OTOGL: variants seen among roughly 807,000 people sequenced by gnomAD.
OTOGL encodes the protein otogelin like.
A neutral mutation model predicts 318.5 loss-of-function variants in OTOGL; 285 were observed. That is an observed-to-expected ratio of 0.89 (90% CI 0.81 to 0.99). OTOGL has a LOEUF of 0.99. OTOGL is among the 50% of genes least tolerant of loss of function. The pLI, the probability that OTOGL is intolerant of heterozygous loss-of-function variation, is 0.00. For missense variants in OTOGL, 2,899 were observed against 2,845.6 expected, an observed-to-expected ratio of 1.02 and a Z score of -0.43; for synonymous variants, 987 against 936.5, an observed-to-expected ratio of 1.05 and a Z score of -0.99.
intron 53 of OTOGL, 60 bp downstream of exon 53, chr12:80,366,697 C>A: frequency 3.5e-6 from 2 of 579,016 alleles, no homozygotes; most frequent in Admixed American, 4.3e-5. Context: ...TCTGTTTTTT[C>A]ACTATTAATA....
intron 35 of OTOGL, among the ~76,000 whole-genome samples, chr12:80,327,895 A>C (rs1451148907): frequency 7.7e-6 from 1 of 129,886 alleles, no homozygotes; most frequent in African/African-American, 2.9e-5. Context: ...GGAGGCGGAG[A>C]TTGCAGTGAG....
At position 80,251,703 on chromosome 12, in the gene OTOGL, G is replaced by A. The variant is rs1322091270; in HGVS notation, c.1063G>A (p.Asp355Asn). 1.3e-6 allele frequency: 2 copies of A among 1,586,746 alleles called. No homozygotes were observed. The highest frequency in any genetic ancestry group is 2.3e-5 in the South Asian group (2 of 86,570). ...CVNDLCKTDD[D>N]ETYCRAATEY... ...CTTTTCACTTTCTAGAACTGATGAT[G>A]ATGAAACCTATTGCCGAGCAGCCAC... Residue 355 changes from aspartate to asparagine, a missense_variant, in exon 12 of 59, where the codon GAT (aspartate) becomes AAT (asparagine). Physicochemically the swap from Asp to Asn is conservative, Grantham distance 23. This residue lies in a region of OTOGL where 2,607 missense variants were observed against 2,524.9 expected (regional missense o/e 1.03). Coordinates refer to ENST00000547103, the MANE Select transcript of OTOGL (RefSeq NM_001378609.3).
At chr12:80,182,538 A>G (rs1874998460) in intron 1 of OTOGL, among the ~76,000 whole-genome samples, 2 of 152,242 alleles carry the variant, frequency 1.3e-5, no homozygotes, top group South Asian at 2.1e-4. Context: ...ATCAATTGAC[A>G]TAGAGGTTGG....
intron 42 of OTOGL, among the ~76,000 whole-genome samples, chr12:80,337,508 T>C (rs762922110): frequency 6.6e-6 from 1 of 152,048 alleles, no homozygotes; most frequent in Non-Finnish European, 1.5e-5. Context: ...TTTTTTGAAA[T>C]AAATTGAAGA....
At chr12:80,147,475 G>C (rs1016833574) in intron 1 of OTOGL, among the ~76,000 whole-genome samples, 7 of 151,152 alleles carry the variant, frequency 4.6e-5, no homozygotes, top group Non-Finnish European at 7.4e-5. Context: ...TTACTTCCAA[G>C]TATGTGGTCA....
At chr12:80,187,878 G>A (rs1875401220) in intron 1 of OTOGL, among the ~76,000 whole-genome samples, 1 of 152,150 alleles carries the variant, frequency 6.6e-6, no homozygotes, top group African/African-American at 2.4e-5. Flanking sequence ...CATGACCAGA[G>A]TTGTTTTCTA....
At chr12:80,290,806 T>G (rs1451517100) in intron 26 of OTOGL, among the ~76,000 whole-genome samples, 2 of 152,210 alleles carry the variant, frequency 1.3e-5, no homozygotes, top group Non-Finnish European at 2.9e-5. Context: ...TAAAACAATT[T>G]TAGGGGCCTA....
Position 80,271,637 on chromosome 12 carries a change from T to C in OTOGL, c.2519-11T>C. 1 of 1,611,116 alleles carries C rather than the reference T, an allele frequency of 6.2e-7. No homozygotes were observed. The highest frequency in any genetic ancestry group is 1.1e-5 in the South Asian group (1 of 90,730). On this transcript the variant is annotated splice_polypyrimidine_tract_variant and intron_variant, in intron 23 of 58. Transcript: ENST00000547103. ...AAGTTAAGGACATTTTGTCTGTGCT[T>C]ATATCTGAAGTTCACATCTGCCCAG...
At chr12:80,210,194 T>G (rs571854505) in intron 2 of OTOGL, among the ~76,000 whole-genome samples, 1 of 152,250 alleles carries the variant, frequency 6.6e-6, no homozygotes, top group South Asian at 2.1e-4. Context: ...AGTTTTACCC[T>G]GTTACACATT....
chr12:80,296,018 A>T (rs1349989741), intron 26 of OTOGL, among the ~76,000 whole-genome samples: 2 of 152,156 alleles, frequency 1.3e-5, no homozygotes, highest in African/African-American at 4.8e-5. Flanking sequence ...GTTGCCAAGG[A>T]AAGGGGTCTA....
chr12:80,342,231 C>T, intron 44 of OTOGL, 69 bp downstream of exon 44: 3 of 1,205,308 alleles, frequency 2.5e-6, no homozygotes, highest in Admixed American at 4.7e-5. Flanking sequence ...CAATACGTTA[C>T]TGTTCTTGCT....
chr12:80,188,306 G>A (rs189384522), intron 1 of OTOGL, among the ~76,000 whole-genome samples: 4 of 151,956 alleles, frequency 2.6e-5, no homozygotes, highest in South Asian at 2.1e-4. Flanking sequence ...TTGAGAGGCC[G>A]AGGCGGGCAG....
At chr12:80,133,252 A>G (rs1469433214) in intron 1 of OTOGL, among the ~76,000 whole-genome samples, 1 of 152,116 alleles carries the variant, frequency 6.6e-6, no homozygotes, top group Non-Finnish European at 1.5e-5. Context: ...CTATTTAGGC[A>G]GTGTTTTTTT....
Position 80,276,812 on chromosome 12 carries a change from T to C in OTOGL, c.2682-1356T>C, listed in dbSNP as rs1374541387. On this transcript the variant is annotated intron_variant, in intron 24 of 58. Coordinates refer to ENST00000547103, the MANE Select transcript of OTOGL (RefSeq NM_001378609.3). ...CGCTACATATTGTGTGACATGAACA[T>C]AAACAAGATATTTATGGTCCTCTCA... Among the ~76,000 whole-genome samples the C allele has an allele frequency of 3.3e-5, 5 of 151,606 alleles. No individual in the cohort carries two copies. In the Admixed American group the frequency reaches 3.3e-4, roughly 10 times the overall value.
chr12:80,232,869 T>G (rs377460283), intron 8 of OTOGL, 23 bp from the exon 9 acceptor site: 1 of 1,549,434 alleles, frequency 6.5e-7, no homozygotes, highest in Non-Finnish European at 8.8e-7. Flanking sequence ...CATTCTTAGA[T>G]AGCTTTTGTT....
intron 1 of OTOGL, 55 bp downstream of exon 1, chr12:80,099,660 A>C (rs1294087568): frequency 6.6e-6 from 1 of 152,204 alleles, no homozygotes; most frequent in Non-Finnish European, 1.5e-5. Context: ...ATCGAGAAGT[A>C]AGGGCAGTTG....
intron 29 of OTOGL, among the ~76,000 whole-genome samples, chr12:80,307,847 G>C (rs1287368295): frequency 7.2e-6 from 1 of 138,718 alleles, no homozygotes; most frequent in African/African-American, 3.0e-5. Context: ...TCCCGGACAG[G>C]GCGGCTGGCC....
At chr12:80,159,579 CA>C (rs1462519203) in intron 1 of OTOGL, among the ~76,000 whole-genome samples, 1 of 151,962 alleles carries the variant, frequency 6.6e-6, no homozygotes, top group Non-Finnish European at 1.5e-5. Flanking sequence ...AACTACAAAA[CA>C]CTGCTGAAAG....
At chr12:80,121,669 C>A (rs1870498134) in intron 1 of OTOGL, among the ~76,000 whole-genome samples, 1 of 152,186 alleles carries the variant, frequency 6.6e-6, no homozygotes, top group African/African-American at 2.4e-5. Context: ...CACTAAAACA[C>A]TTCTCTTCGT....
Sources: gnomAD v4.1 joint callset for allele counts (sites outside exome capture counted in the v4.1 genomes callset) on GRCh38, gnomAD v4.1.1 for gene constraint, gnomAD v4.1.1 regional missense constraint, MANE v1.5 for transcripts, NCBI Gene and HGNC (gene_info 2026-07-23, HGNC 2026-07-21) for gene names.